LILRB5: variants seen among roughly 807,000 people sequenced by gnomAD.
LILRB5 encodes leukocyte immunoglobulin like receptor B5.
In LILRB5, 61 loss-of-function variants were observed where a neutral mutation model predicts 68.4. The observed-to-expected ratio is 0.89, with a 90% CI of 0.73 to 1.10. The LOEUF (loss-of-function observed/expected upper bound fraction) is 1.10. Ranked by LOEUF, LILRB5 falls within the 50% of genes least tolerant of loss-of-function variation. LILRB5 has a pLI of 0.00. For missense variants in LILRB5, 771 were observed against 751.6 expected (o/e 1.03, Z -0.30); for synonymous variants, 356 against 315.8 (o/e 1.13, Z -1.35).
Position 54,252,968 on chromosome 19 carries a change from C to T in LILRB5, c.1377G>A (p.Gly459=), listed in dbSNP as rs780633754. Residue 459 remains glycine (G), a synonymous_variant, in exon 9 of 13, where the codon GGG becomes GGA. Transcript: ENST00000449561. ...AGGCCACTGAGACCCCAGTCACAAC[C>T]CCCAGGTGCCTTCCCAGACCTTGAG... The part of the protein sequence containing the change: ...DPQSGLGRHL[G]VVTGVSVAFV... The T allele has an allele frequency of 1.8e-5, 29 of 1,570,088 alleles. No individual in the cohort carries two copies. The highest frequency in any genetic ancestry group is 1.7e-4 in the Middle Eastern group (1 of 5,874).
At position 54,256,651 on chromosome 19, in the gene LILRB5, G is replaced by A. The variant is rs1345341104; in HGVS notation, c.193C>T (p.Leu65Phe). Reference protein sequence around the residue: ...TEEYRLDKEGLPWARKRQNPL... With the variant: ...TEEYRLDKEGFPWARKRQNPL... Reference sequence around the variant, plus strand: ...TTCTGTCTCTTCCGGGCCCATGGGAGTCCCTCCTTATCCAGACGGTACTCC... The same window carrying A: ...TTCTGTCTCTTCCGGGCCCATGGGAATCCCTCCTTATCCAGACGGTACTCC... The change falls in exon 3 of 13, where the codon CTC becomes TTC. Residue 65 changes from leucine to phenylalanine, a missense_variant. Transcript: ENST00000449561. 3 of 1,614,164 alleles carry A rather than the reference G, an allele frequency of 1.9e-6. No individual in the cohort carries two copies. Among genetic ancestry groups the A allele is most frequent in the Admixed American group, 1.7e-5 (1 of 60,020 alleles).
chr19:54,254,952 T>A lies in LILRB5; in HGVS notation c.1038A>T (p.Ser346=), dbSNP rs752982392. The change falls in exon 6 of 13, where the codon TCA becomes TCT. Residue 346 remains serine (S), a synonymous_variant. Transcript: ENST00000449561. ...AAAAGAAAGTGTCTATCTGATGCCA[T>A]GACTGACACAGCAGGGTCACGTTCT... ...SGENVTLLCQ[S]WHQIDTFFLT... is the part of the protein sequence containing the mutation. 1.9e-6 allele frequency: 3 copies of A among 1,613,786 alleles called. No individual in the cohort carries two copies. The highest frequency in any genetic ancestry group is 2.5e-6 in the Non-Finnish European group (3 of 1,179,928).
rs1485437086 is a variant in LILRB5 at position 54,256,603 on chromosome 19, C to G, written c.241G>C (p.Ala81Pro). 1 of 1,614,162 alleles carries G rather than the reference C, an allele frequency of 6.2e-7. No homozygotes were observed. The highest frequency in any genetic ancestry group is 8.5e-7 in the Non-Finnish European group (1 of 1,180,004). ...RQNPLEPGAK[A>P]KFHIPSTVYD... ...ACCGTGGATGGAATGTGGAACTTGG[C>G]CTTGGCTCCAGGCTCCAGTGGGTTC... is the stretch of plus-strand genomic sequence containing the variant. Residue 81 changes from alanine to proline, a missense_variant, in exon 3 of 13, where the codon GCC becomes CCC. Transcript: ENST00000449561.
chr19:54,253,123 C>A, intron 8 of LILRB5, 136 bp from the exon 9 acceptor site: 1 of 375,558 alleles, frequency 2.7e-6, no homozygotes, highest in Non-Finnish European at 5.0e-6. Context: ...GCCAACCCCC[C>A]AATTCACAGA....
rs572152914 is a variant in LILRB5 at position 54,251,734 on chromosome 19, G to A, written c.1629+320C>T. The A allele has an allele frequency of 7.3e-4, 483 of 657,278 alleles. 9 individuals carry two copies. The East Asian group carries it at 0.013, about 17-fold the overall frequency. The allele number at this position is 657,278 out of a possible 1,614,324, so 40.7% of individuals were successfully genotyped here. ...CACAGTGAGCTCCCTGGGAACACTC[G>A]CTGGTTGAATGAATGAAGGGGAGCC... On this transcript the variant is annotated intron_variant, in intron 12 of 12. Transcript: ENST00000449561.
At chr19:54,253,846 T>C in intron 8 of LILRB5, 172 bp downstream of exon 8, 1 of 1,497,132 alleles carries the variant, frequency 6.7e-7, no homozygotes, top group Non-Finnish European at 8.9e-7. Context: ...GACAGTCCCC[T>C]GAAGAATCCC....
In LILRB5 at chr19:54,256,706, G is replaced by A. The variant is rs2147668670; in HGVS notation, c.138C>T (p.Thr46=). ...TCTCCAGGGGCCCCTGACACCAGAGGGTCACGGGCTTCCCCCGAGCTATCA... is the reference window on the plus strand; with the variant it reads ...TCTCCAGGGGCCCCTGACACCAGAGAGTCACGGGCTTCCCCCGAGCTATCA... ...ASVIARGKPV[T]LWCQGPLETE... Residue 46 remains threonine, a synonymous_variant, in exon 3 of 13, where the codon ACC becomes ACT. Coordinates refer to ENST00000449561, the MANE Select transcript of LILRB5 (RefSeq NM_001081442.3). 3.7e-6 allele frequency: 6 copies of A among 1,614,124 alleles called. No homozygotes were observed. The highest frequency in any genetic ancestry group is 5.1e-6 in the Non-Finnish European group (6 of 1,179,988).
intron 8 of LILRB5, chr19:54,253,798 C>T: frequency 6.9e-7 from 1 of 1,451,778 alleles, no homozygotes; most frequent in Non-Finnish European, 9.3e-7. Context: ...GCTCCCCTCC[C>T]CTGCCCCAGG....
chr19:54,254,272 G>A, intron 7 of LILRB5, 93 bp downstream of exon 7: 3 of 1,477,616 alleles, frequency 2.0e-6, no homozygotes, highest in Non-Finnish European at 1.8e-6. Flanking sequence ...GCTCCCGCTT[G>A]AGTCTTTGAG....
rs2079041505 is a variant in LILRB5, at chr19:54,254,073, G to T, written c.1307-5C>A. 8.1e-6 allele frequency: 13 copies of T among 1,596,194 alleles called. No homozygotes were observed. Among genetic ancestry groups the T allele is most frequent in the Non-Finnish European group, 8.5e-6 (10 of 1,171,306 alleles). On this transcript the variant is annotated splice_polypyrimidine_tract_variant and splice_region_variant and intron_variant, in intron 7 of 12. Transcript: ENST00000449561. ...GGGGCTGGTCCTCAGGGCCTGCTGG[G>T]TCAGGACGGGGAGGTGAGGGCTGGG...
In LILRB5 at chr19:54,249,676, T is replaced by C. The variant is rs2078887767; in HGVS notation, c.*1110A>G. ...GTCTAGCAATAGCCCAAGAGGTGAG[T>C]AGCTGAACATTTTATAGAGATGAGG... On this transcript the variant is annotated 3_prime_UTR_variant, in exon 13 of 13. Transcript: ENST00000449561. 6.6e-6 allele frequency: 1 copy of C among 152,056 alleles called. No individual in the cohort carries two copies. The highest frequency in any genetic ancestry group is 1.5e-5 in the Non-Finnish European group (1 of 68,024). 9.4% of individuals were successfully genotyped at this position (152,056 alleles called of 1,614,324 possible).
chr19:54,250,572 G>T lies in LILRB5; in HGVS notation c.*214C>A. 2 of 572,462 alleles carry T rather than the reference G, an allele frequency of 3.5e-6. No homozygotes were observed. Among genetic ancestry groups the T allele is most frequent in the South Asian group, 2.6e-5 (1 of 38,648 alleles). 35.5% of individuals were successfully genotyped at this position (572,462 alleles called of 1,614,324 possible). A position where few individuals can be genotyped will look rare whatever the true frequency, so the allele number is the denominator to read the frequency against. ...AGTTTTCTCAGCTCATTGATTTATT[G>T]AGAAGTCTGTGGCTTCATTTCAAAA... On this transcript the variant is annotated 3_prime_UTR_variant, in exon 13 of 13. Transcript: ENST00000449561.
At chr19:54,253,028 A>G in intron 8 of LILRB5, 41 bp from the exon 9 acceptor site, 1 of 1,380,134 alleles carries the variant, frequency 7.2e-7, no homozygotes, top group Non-Finnish European at 9.9e-7. Flanking sequence ...GACGTCATTG[A>G]TGTGAGCACC....
intron 9 of LILRB5, 31 bp downstream of exon 9, chr19:54,252,840 C>T (rs766353286): frequency 3.3e-5 from 52 of 1,567,070 alleles, no homozygotes; most frequent in Non-Finnish European, 4.2e-5. Flanking sequence ...CACCCTCGGT[C>T]GGCCCACGGG....
chr19:54,253,640 T>C (rs1601029056), intron 8 of LILRB5: 4 of 564,956 alleles, frequency 7.1e-6, no homozygotes, highest in South Asian at 2.0e-5. Context: ...TGAGTCAGAG[T>C]AGAAAGTTGA....
chr19:54,251,536 G>A (rs1172998730), intron 12 of LILRB5: 2 of 526,140 alleles, frequency 3.8e-6, no homozygotes, highest in Non-Finnish European at 3.7e-6. Flanking sequence ...ATTCAGACTG[G>A]CCCCACTGCC....
rs144513332 is a variant in LILRB5, at chr19:54,256,785, T to C, written c.71-12A>G. Reference sequence around the variant, plus strand: ...TTTGGGGAGGGTGCCTAGAATGGAATCAGAGGCTGGATCCCAAGACATCCC... The same window carrying C: ...TTTGGGGAGGGTGCCTAGAATGGAACCAGAGGCTGGATCCCAAGACATCCC... On this transcript the variant is annotated splice_polypyrimidine_tract_variant and intron_variant, in intron 2 of 12. Coordinates refer to ENST00000449561, the MANE Select transcript of LILRB5 (RefSeq NM_001081442.3). 6.1e-3 allele frequency: 9,876 copies of C among 1,612,864 alleles called. 44 individuals are homozygous for C. Among genetic ancestry groups the C allele is most frequent in the Middle Eastern group, 0.011 (63 of 5,668 alleles).
intron 8 of LILRB5, chr19:54,253,711 G>A (rs142089006): frequency 1.2e-5 from 12 of 1,002,776 alleles, no homozygotes; most frequent in Middle Eastern, 3.1e-4. Context: ...AGTCTGACCC[G>A]CAGCCCTTGT....
chr19:54,252,011 C>T, intron 12 of LILRB5, 43 bp downstream of exon 12: 1 of 1,582,712 alleles, frequency 6.3e-7, no homozygotes, highest in Admixed American at 1.7e-5. Flanking sequence ...TTAGATCTGG[C>T]ACCAGGAGGC....
Sources: gnomAD v4.1 joint callset for allele counts on GRCh38, gnomAD v4.1.1 for gene constraint, MANE v1.5 for transcripts, NCBI Gene and HGNC (gene_info 2026-07-23, HGNC 2026-07-21) for gene names.